Variants in ADARB2 observed in about 807,000 individuals in gnomAD.
ADARB2 encodes inactive double-stranded RNA-specific editase B2.
Under a neutral mutation model 62.2 loss-of-function variants are expected in ADARB2, and 25 were observed. The ratio of observed to expected loss-of-function variants is 0.40; its 90% CI spans 0.29 to 0.56. The LOEUF is 0.56. Ranked by LOEUF, ADARB2 falls within the 20% of genes least tolerant of loss-of-function variation. ADARB2 has a pLI of 0.43. For missense variants in ADARB2, 1,071 were observed against 1,077.4 expected, an observed-to-expected ratio of 0.99 and a Z score of 0.08; for synonymous variants, 572 against 500.8, an observed-to-expected ratio of 1.14 and a Z score of -1.90.
At chr10:1,488,264 C>T (rs1831570506) in intron 1 of ADARB2, among the ~76,000 whole-genome samples, 1 of 151,294 alleles carries the variant, frequency 6.6e-6, no homozygotes. Flanking sequence ...ACAGTTGGCA[C>T]TGCCTTTTAA....
In ADARB2 at chr10:1,544,007, A is replaced by AC. The variant is rs1832478509; in HGVS notation, c.101-164848_101-164847insG. Among the ~76,000 whole-genome samples, 5 of 28,242 alleles carry AC rather than the reference A, an allele frequency of 1.8e-4. No individual in the cohort carries two copies. The East Asian group carries it at 0.011, about 64-fold the overall frequency. The allele number at this position is 28,242 out of a possible 152,430, so 18.5% of individuals were successfully genotyped here. A position where few individuals can be genotyped will look rare whatever the true frequency, so the allele number is the denominator to read the frequency against. ...GAGAATGGCAGGTGACCAAAAAAAAAAAAAAACAAACAAAAAAAAAAACAC... is the reference window on the plus strand; with the variant it reads ...GAGAATGGCAGGTGACCAAAAAAAAACAAAAAACAAACAAAAAAAAAAACAC... On this transcript the variant is annotated intron_variant, in intron 1 of 9. Transcript: ENST00000381312.
In ADARB2 at chr10:1,708,779, A is replaced by G. The variant is rs1337282570; in HGVS notation, c.100+28272T>C. Among the ~76,000 whole-genome samples the G allele has an allele frequency of 2.0e-5, 3 of 152,324 alleles. 1 individual carries two copies. Among genetic ancestry groups the G allele is most frequent in the African/African-American group, 4.8e-5 (2 of 41,566 alleles). On this transcript the variant is annotated intron_variant, in intron 1 of 9. Coordinates refer to ENST00000381312, the MANE Select transcript of ADARB2 (RefSeq NM_018702.4). The stretch of plus-strand genomic sequence containing the variant: ...ATGTACACACAGAAGCACTTGGCAC[A>G]CACCACGTCACCATCACATATGAAA...
intron 3 of ADARB2, among the ~76,000 whole-genome samples, chr10:1,293,297 AG>A (rs1485310773): frequency 2.7e-5 from 2 of 74,776 alleles, no homozygotes; most frequent in Non-Finnish European, 5.2e-5. Flanking sequence ...CAGGGAGAGA[AG>A]GGGGAAGAGA....
intron 1 of ADARB2, among the ~76,000 whole-genome samples, chr10:1,532,377 C>T (rs553535962): frequency 2.0e-5 from 3 of 152,314 alleles, no homozygotes; most frequent in African/African-American, 4.8e-5. Flanking sequence ...AACTTTCCCC[C>T]GTGATCTCCC....
intron 1 of ADARB2, among the ~76,000 whole-genome samples, chr10:1,415,086 G>A (rs1265490328): frequency 6.6e-6 from 1 of 151,472 alleles, no homozygotes. Flanking sequence ...GATGGATGGT[G>A]GACCAATGGA....
chr10:1,530,481 C>T (rs370921774), intron 1 of ADARB2, among the ~76,000 whole-genome samples: 6 of 152,346 alleles, frequency 3.9e-5, no homozygotes, highest in African/African-American at 1.2e-4. Context: ...TCTCTCTGCA[C>T]GGCCACTGCT....
chr10:1,724,810 C>T (rs1835142904), intron 1 of ADARB2, among the ~76,000 whole-genome samples: 1 of 152,162 alleles, frequency 6.6e-6, no homozygotes, highest in Admixed American at 6.5e-5. Context: ...CTTTAATAAG[C>T]AGGGGTGTCG....
At chr10:1,183,990 C>T (rs921397537) in intron 9 of ADARB2, among the ~76,000 whole-genome samples, 3 of 152,204 alleles carry the variant, frequency 2.0e-5, no homozygotes, top group African/African-American at 7.2e-5. Context: ...ACAGCATCGA[C>T]GCTTCCCTGA....
chr10:1,663,898 G>A (rs1259809814), intron 1 of ADARB2, among the ~76,000 whole-genome samples: 2 of 152,220 alleles, frequency 1.3e-5, no homozygotes, highest in Admixed American at 6.5e-5. Flanking sequence ...GATTGCAGGT[G>A]TGAGCCACCA....
At chr10:1,602,096 C>T (rs1317710564) in intron 1 of ADARB2, among the ~76,000 whole-genome samples, 1 of 152,152 alleles carries the variant, frequency 6.6e-6, no homozygotes, top group Non-Finnish European at 1.5e-5. Context: ...GGGCCTGAAG[C>T]TGGCGGGGAA....
chr10:1,659,148 AC>A (rs5782590), intron 1 of ADARB2, among the ~76,000 whole-genome samples: 152,398 of 152,398 alleles, frequency 1, 76,199 homozygotes, highest in Non-Finnish European at 1. Flanking sequence ...GTCAGGTGTA[AC>A]ACAGGGGACT....
intron 1 of ADARB2, among the ~76,000 whole-genome samples, chr10:1,463,488 C>G (rs1374294272): frequency 6.6e-6 from 1 of 152,152 alleles, no homozygotes; most frequent in African/African-American, 2.4e-5. Flanking sequence ...GTGGTTAACC[C>G]GGGCTTAAGA....
chr10:1,454,689 A>T (rs1831076133), intron 1 of ADARB2, among the ~76,000 whole-genome samples: 1 of 151,974 alleles, frequency 6.6e-6, no homozygotes, highest in African/African-American at 2.4e-5. Flanking sequence ...AACGGGCTTA[A>T]TGTTTCGTGG....
chr10:1,532,634 G>A (rs1298021929), intron 1 of ADARB2, among the ~76,000 whole-genome samples: 1 of 152,216 alleles, frequency 6.6e-6, no homozygotes, highest in East Asian at 1.9e-4. Context: ...ACTGCGTGCA[G>A]GGCCAGTGAG....
chr10:1,292,995 AGGGAGGGAAGGAGAGAGGGAG>A (rs1564248557), intron 3 of ADARB2: 2 of 30,922 alleles, frequency 6.5e-5, no homozygotes, highest in Non-Finnish European at 1.4e-4. Flanking sequence ...AGAGAGGGAG[AGGGAGGGAAGGAGAGAGGGAG>A]GGGAGAGAGA....
In ADARB2 at chr10:1,547,567, G is replaced by C. The variant is rs543826958; in HGVS notation, c.101-168407C>G. ...GTGGCTGCACTGGTGTATACACTGTGGGGAGGGGGAGAGAGGCTGTGCAAG... is the reference window on the plus strand; with the variant it reads ...GTGGCTGCACTGGTGTATACACTGTCGGGAGGGGGAGAGAGGCTGTGCAAG... On this transcript the variant is annotated intron_variant, in intron 1 of 9. Transcript: ENST00000381312. Among the ~76,000 whole-genome samples the C allele has an allele frequency of 2.5e-3, 285 of 115,528 alleles. 3 individuals carry two copies. Among genetic ancestry groups the C allele is most frequent in the Non-Finnish European group, 3.5e-3 (186 of 53,506 alleles). 75.8% of individuals were successfully genotyped at this position (115,528 alleles called of 152,430 possible).
chr10:1,372,447 C>T (rs1187503954), intron 2 of ADARB2, among the ~76,000 whole-genome samples: 1 of 145,458 alleles, frequency 6.9e-6, no homozygotes, highest in Non-Finnish European at 1.5e-5. Context: ...ACATGTATCC[C>T]TAAGCCTAAA....
In ADARB2 at chr10:1,704,123, C is replaced by T. The variant is rs375812663; in HGVS notation, c.100+32928G>A. Among the ~76,000 whole-genome samples the T allele has an allele frequency of 1.4e-4, 22 of 152,324 alleles. No individual in the cohort carries two copies. The highest frequency in any genetic ancestry group is 4.1e-4 in the South Asian group (2 of 4,826). ...CAGCCTCACTCTTGCTGTAAGACAGCGGTCCTGTCCCCAACCTTTCTGGCA... is the reference window on the plus strand; with the variant it reads ...CAGCCTCACTCTTGCTGTAAGACAGTGGTCCTGTCCCCAACCTTTCTGGCA... On this transcript the variant is annotated intron_variant, in intron 1 of 9. Transcript: ENST00000381312. This position sits in a 1 kb window ranked among gnomAD's most constrained non-coding sequence, Gnocchi z 5.6.
intron 1 of ADARB2, among the ~76,000 whole-genome samples, chr10:1,498,403 T>G (rs903248678): frequency 5.9e-5 from 9 of 151,372 alleles, no homozygotes; most frequent in Middle Eastern, 3.2e-3. Flanking sequence ...AATAAATAAA[T>G]AAATAAGTAA....
Sources: gnomAD v4.1 joint callset for allele counts (sites outside exome capture counted in the v4.1 genomes callset) on GRCh38, gnomAD v4.1.1 for gene constraint, Gnocchi (gnomAD v3.1) non-coding constraint, MANE v1.5 for transcripts, NCBI Gene and HGNC (gene_info 2026-07-23, HGNC 2026-07-21) for gene names.